The following CSMD2 variants were observed in gnomAD, a reference collection of about 807,000 sequenced individuals.
CSMD2 encodes CUB and Sushi multiple domains 2.
A neutral mutation model predicts 398.5 loss-of-function variants in CSMD2; 130 were observed. That is an observed-to-expected ratio of 0.33 (90% CI 0.28 to 0.38). The LOEUF is 0.38. CSMD2 is among the 10% of genes least tolerant of loss of function. The probability of loss-of-function intolerance (pLI) is 1.00; values close to 1 mark genes in which losing one functional copy is unlikely to be tolerated. For missense variants in CSMD2, 3,829 were observed against 4,764.9 expected, an observed-to-expected ratio of 0.80 and a Z score of 5.78; for synonymous variants, 1,828 against 1,908.5, an observed-to-expected ratio of 0.96 and a Z score of 1.10.
chr1:34,074,048 C>T (rs1014188814), intron 2 of CSMD2, among the ~76,000 whole-genome samples: 1 of 152,186 alleles, frequency 6.6e-6, no homozygotes, highest in African/African-American at 2.4e-5. Context: ...CACTCACTAA[C>T]GTCAGGACAG....
intron 5 of CSMD2, among the ~76,000 whole-genome samples, chr1:33,890,995 G>T (rs889044505): frequency 1.3e-5 from 2 of 152,174 alleles, no homozygotes; most frequent in Admixed American, 6.5e-5. Flanking sequence ...CATGGGCAAA[G>T]ACTTCATGTC....
intron 13 of CSMD2, among the ~76,000 whole-genome samples, chr1:33,745,581 T>C (rs1419142220): frequency 6.6e-6 from 1 of 152,190 alleles, no homozygotes; most frequent in East Asian, 1.9e-4. Context: ...ATGAGTTTAG[T>C]CTTGATTCTC....
chr1:34,042,277 G>A (rs1464708480), intron 2 of CSMD2, among the ~76,000 whole-genome samples: 1 of 152,182 alleles, frequency 6.6e-6, no homozygotes, highest in Admixed American at 6.5e-5. Flanking sequence ...AGGGCGGCTG[G>A]CAAATCAAAA....
chr1:33,608,095 G>T (rs1402517341), intron 41 of CSMD2, among the ~76,000 whole-genome samples: 1 of 152,138 alleles, frequency 6.6e-6, no homozygotes, highest in Non-Finnish European at 1.5e-5. Flanking sequence ...GGCCCCTTGT[G>T]CAGGGTGGCC....
At chr1:33,731,680 A>G (rs1174640696) in intron 15 of CSMD2, among the ~76,000 whole-genome samples, 4 of 152,220 alleles carry the variant, frequency 2.6e-5, no homozygotes, top group Non-Finnish European at 5.9e-5. Flanking sequence ...ATTAGAAAAG[A>G]CTTGAGACAT....
intron 1 of CSMD2, among the ~76,000 whole-genome samples, chr1:34,146,467 C>T (rs1639773540): frequency 1.3e-5 from 2 of 152,356 alleles, no homozygotes; most frequent in Admixed American, 1.3e-4. Flanking sequence ...AGTAAAGTCA[C>T]TCCCTTTGTC....
At position 33,810,770 on chromosome 1, in the gene CSMD2, C is replaced by T; in HGVS notation, c.1419G>A (p.Trp473Ter). Reference sequence around the variant, plus strand: ...TGGAGGGGTTGAGTGCTGTGATGATCCACACACAGTGTGCATTGTTGTCAT... The same window carrying T: ...TGGAGGGGTTGAGTGCTGTGATGATTCACACACAGTGTGCATTGTTGTCAT... ...IQYDNNAHCVWIITALNPSKV... is the reference protein window; with the variant it reads ...IQYDNNAHCV Residue 473 changes from tryptophan to a stop codon, truncating the protein, a stop_gained, in exon 10 of 71, where the codon TGG becomes TGA. Transcript: ENST00000373381. LOFTEE classifies it high-confidence loss of function. 1 of 1,613,496 alleles carries T rather than the reference C, an allele frequency of 6.2e-7. No homozygotes were observed. Among genetic ancestry groups the T allele is most frequent in the Non-Finnish European group, 8.5e-7 (1 of 1,179,772 alleles).
chr1:33,948,758 T>C (rs1570599217), intron 3 of CSMD2, among the ~76,000 whole-genome samples: 1 of 152,252 alleles, frequency 6.6e-6, no homozygotes, highest in East Asian at 1.9e-4. Flanking sequence ...GCCTGACACT[T>C]GTGTTTAAGC....
intron 66 of CSMD2, 52 bp from the exon 67 acceptor site, chr1:33,523,471 A>T (rs1476395245): frequency 1.2e-5 from 10 of 850,584 alleles, no homozygotes; most frequent in Non-Finnish European, 1.7e-5. Flanking sequence ...AAAATTTCAA[A>T]ACTCAAATTT....
chr1:34,082,358 C>CGCCCCGTCTGGGAGGTGGGGGGCG (rs1558353358), intron 2 of CSMD2, among the ~76,000 whole-genome samples: 1 of 151,758 alleles, frequency 6.6e-6, no homozygotes, highest in East Asian at 1.9e-4. Context: ...GCCCAGCAGC[C>CGCCCCGTCTGGGAGGTGGGGGGCG]GCCCCGTCTG....
At chr1:33,799,835 T>C (rs992731472) in intron 10 of CSMD2, among the ~76,000 whole-genome samples, 2 of 152,240 alleles carry the variant, frequency 1.3e-5, no homozygotes, top group South Asian at 4.1e-4. Flanking sequence ...ACTTTTGGTA[T>C]GTGGAGAAAA....
At chr1:33,804,930 C>A (rs1441292399) in intron 10 of CSMD2, 1 of 716,424 alleles carries the variant, frequency 1.4e-6, no homozygotes, top group Non-Finnish European at 2.6e-6. Context: ...TTCAGCCTTT[C>A]TGGGCTCCCT....
At chr1:33,584,680 T>C (rs1355075636) in intron 46 of CSMD2, among the ~76,000 whole-genome samples, 3 of 150,096 alleles carry the variant, frequency 2.0e-5, no homozygotes, top group African/African-American at 7.3e-5. Context: ...AAAATATATC[T>C]ATATACATAT....
chr1:33,999,371 A>T (rs902728431), intron 3 of CSMD2, among the ~76,000 whole-genome samples: 11 of 151,992 alleles, frequency 7.2e-5, no homozygotes, highest in African/African-American at 2.7e-4. Context: ...TGGTAACTAG[A>T]TACTTTTTAA....
rs551505980 is a variant in CSMD2, at chr1:33,530,681, C to T, written c.10171+2369G>A. Among the ~76,000 whole-genome samples, 32 of 152,132 alleles carry T rather than the reference C, an allele frequency of 2.1e-4. No homozygotes were observed. In the South Asian group the frequency reaches 2.7e-3, roughly 13 times the overall value. On this transcript the variant is annotated intron_variant, in intron 64 of 70. Coordinates refer to ENST00000373381, the MANE Select transcript of CSMD2 (RefSeq NM_001281956.2). Reference sequence around the variant, plus strand: ...GGCATTATTCATAATAGCCAAGATACGGAAACAACCTAAGTGTCCATCAGT... The same window carrying T: ...GGCATTATTCATAATAGCCAAGATATGGAAACAACCTAAGTGTCCATCAGT...
intron 1 of CSMD2, among the ~76,000 whole-genome samples, chr1:34,125,633 T>C (rs1662667286): frequency 6.6e-6 from 1 of 151,976 alleles, no homozygotes; most frequent in Non-Finnish European, 1.5e-5. Flanking sequence ...GCAATTTAGG[T>C]CAGGAAGTAA....
chr1:34,045,074 CA>C (rs1558295502), intron 2 of CSMD2, among the ~76,000 whole-genome samples: 87 of 150,868 alleles, frequency 5.8e-4, no homozygotes, highest in African/African-American at 1.9e-3. Flanking sequence ...CACACACACA[CA>C]CACCCCTACA....
intron 44 of CSMD2, among the ~76,000 whole-genome samples, chr1:33,589,360 G>A (rs951974074): frequency 6.6e-6 from 1 of 152,198 alleles, no homozygotes; most frequent in Non-Finnish European, 1.5e-5. Context: ...CACTGTGTCA[G>A]GTGATGAGGT....
chr1:33,716,931 T>C (rs1375325295), intron 19 of CSMD2, among the ~76,000 whole-genome samples: 1 of 151,980 alleles, frequency 6.6e-6, no homozygotes, highest in Non-Finnish European at 1.5e-5. Context: ...CAATACAGAG[T>C]GCTGAGTGCT....
Sources: gnomAD v4.1 joint callset for allele counts (sites outside exome capture counted in the v4.1 genomes callset) on GRCh38, gnomAD v4.1.1 for gene constraint, MANE v1.5 for transcripts, NCBI Gene and HGNC (gene_info 2026-07-23, HGNC 2026-07-21) for gene names.